Variants in TRAPPC9 observed in about 807,000 individuals in gnomAD.
The protein encoded by TRAPPC9 is trafficking protein particle complex subunit 9.
TRAPPC9 carries 83 observed loss-of-function variants against 124.0 expected under a neutral mutation model. The ratio of observed to expected loss-of-function variants is 0.67; its 90% CI spans 0.56 to 0.80. The LOEUF (loss-of-function observed/expected upper bound fraction) is 0.80. TRAPPC9 is among the 30% of genes least tolerant of loss of function. The probability of loss-of-function intolerance (pLI) is 0.00; values close to 1 mark genes in which losing one functional copy is unlikely to be tolerated. For synonymous variants in TRAPPC9, 638 were observed against 617.5 expected (o/e 1.03, Z -0.49); for missense variants, 1,302 against 1,508.3 (o/e 0.86, Z 2.27).
intron 17 of TRAPPC9, among the ~76,000 whole-genome samples, chr8:140,086,676 C>G (rs1389366888): frequency 6.6e-6 from 1 of 152,186 alleles, no homozygotes; most frequent in East Asian, 1.9e-4. Flanking sequence ...AATCCCAGCA[C>G]TTTGGGCGGC....
rs1355412118 is a variant in TRAPPC9, at chr8:139,730,480, C to T, written c.*581G>A. 6.5e-6 allele frequency: 1 copy of T among 154,744 alleles called. No individual in the cohort carries two copies. The highest frequency in any genetic ancestry group is 2.4e-5 in the African/African-American group (1 of 41,458). 9.6% of individuals were successfully genotyped at this position (154,744 alleles called of 1,614,324 possible). A position where few individuals can be genotyped will look rare whatever the true frequency, so the allele number is the denominator to read the frequency against. Reference sequence around the variant, plus strand: ...GCCAGCCCAGGCCTGGACATTTGCCCACCACGGGTGGAGGGCCTCTCTTGG... The same window carrying T: ...GCCAGCCCAGGCCTGGACATTTGCCTACCACGGGTGGAGGGCCTCTCTTGG... On this transcript the variant is annotated 3_prime_UTR_variant, in exon 23 of 23. Transcript: ENST00000438773.
intron 20 of TRAPPC9, among the ~76,000 whole-genome samples, chr8:139,897,117 GC>G (rs1162183354): frequency 1.3e-5 from 2 of 152,232 alleles, no homozygotes; most frequent in Non-Finnish European, 2.9e-5. Context: ...CATATCTGGA[GC>G]TGCCCACAGG....
At chr8:140,443,209 G>A (rs1179025749) in intron 2 of TRAPPC9, among the ~76,000 whole-genome samples, 1 of 150,450 alleles carries the variant, frequency 6.6e-6, no homozygotes, top group Non-Finnish European at 1.5e-5. Flanking sequence ...GCCAAGGCGG[G>A]CAGATCACAA....
chr8:140,309,334 T>A (rs1212707281), intron 10 of TRAPPC9, among the ~76,000 whole-genome samples: 1 of 152,208 alleles, frequency 6.6e-6, no homozygotes, highest in Non-Finnish European at 1.5e-5. Context: ...GGCTTAAAGA[T>A]GAAGAAAACG....
intron 5 of TRAPPC9, among the ~76,000 whole-genome samples, chr8:140,409,069 A>G (rs2069598465): frequency 6.6e-6 from 1 of 152,194 alleles, no homozygotes; most frequent in Non-Finnish European, 1.5e-5. Flanking sequence ...AATATATGCA[A>G]CATATATCAC....
chr8:140,286,547 C>T (rs1043805362), intron 13 of TRAPPC9, among the ~76,000 whole-genome samples: 7 of 152,110 alleles, frequency 4.6e-5, no homozygotes, highest in Non-Finnish European at 1.0e-4. Context: ...AGCAGCAGTT[C>T]TCAGGAAGCA....
rs2065552928 is a variant in TRAPPC9 at position 140,288,459 on chromosome 8, G to A, written c.1855-725C>T. Among the ~76,000 whole-genome samples, 4 of 152,222 alleles carry A rather than the reference G, an allele frequency of 2.6e-5. No homozygotes were observed. In the South Asian group the frequency reaches 8.3e-4, roughly 32 times the overall value. On this transcript the variant is annotated intron_variant, in intron 12 of 22. Transcript: ENST00000438773. ...TAGTACAGGCACTAAGCTTGCTAGT[G>A]AACAAAACAGGCAGATTCCCTGGCC... is the stretch of plus-strand genomic sequence containing the variant.
intron 16 of TRAPPC9, among the ~76,000 whole-genome samples, chr8:140,231,112 A>G (rs1299806814): frequency 6.6e-6 from 1 of 152,238 alleles, no homozygotes; most frequent in Non-Finnish European, 1.5e-5. Flanking sequence ...GTAGCTATGG[A>G]GAAAGATATT....
intron 17 of TRAPPC9, among the ~76,000 whole-genome samples, chr8:140,075,397 C>T (rs1843445107): frequency 6.6e-6 from 1 of 152,126 alleles, no homozygotes; most frequent in African/African-American, 2.4e-5. Context: ...GAAGATCAGC[C>T]CACAGACAGC....
At chr8:140,402,770 C>A (rs1469892764) in intron 6 of TRAPPC9, among the ~76,000 whole-genome samples, 3 of 150,758 alleles carry the variant, frequency 2.0e-5, no homozygotes, top group Non-Finnish European at 4.4e-5. Flanking sequence ...AAATATGGTG[C>A]TGAAGAAAAG....
intron 21 of TRAPPC9, among the ~76,000 whole-genome samples, chr8:139,795,287 G>A (rs763432152): frequency 2.6e-5 from 4 of 152,128 alleles, no homozygotes; most frequent in Admixed American, 6.5e-5. Context: ...GAGAGGAAGC[G>A]CACTGCCGAG....
At chr8:139,867,830 T>C (rs1409434566) in intron 21 of TRAPPC9, among the ~76,000 whole-genome samples, 1 of 152,202 alleles carries the variant, frequency 6.6e-6, no homozygotes, top group African/African-American at 2.4e-5. Flanking sequence ...TAAATGTATA[T>C]AACAGCTCAA....
intron 17 of TRAPPC9, among the ~76,000 whole-genome samples, chr8:140,143,388 T>C (rs2061410198): frequency 6.6e-6 from 1 of 152,246 alleles, no homozygotes; most frequent in South Asian, 2.1e-4. Flanking sequence ...ATACCAGTCC[T>C]CTGATGGCTA....
intron 17 of TRAPPC9, among the ~76,000 whole-genome samples, chr8:140,085,259 C>A (rs938995366): frequency 6.6e-6 from 1 of 151,244 alleles, no homozygotes; most frequent in Non-Finnish European, 1.5e-5. Context: ...CCACGTCCAG[C>A]AGGACTACAC....
intron 2 of TRAPPC9, among the ~76,000 whole-genome samples, chr8:140,448,413 C>CGCACT (rs2071343788): frequency 6.6e-6 from 1 of 152,242 alleles, no homozygotes; most frequent in African/African-American, 2.4e-5. Context: ...CTATGCGTGA[C>CGCACT]GCACTGCGTC....
intron 21 of TRAPPC9, among the ~76,000 whole-genome samples, chr8:139,784,975 T>A (rs73362167): frequency 0.038 from 5,839 of 152,232 alleles, 394 homozygotes; most frequent in African/African-American, 0.13. Context: ...AAGATTCATA[T>A]GGAAATACAA....
chr8:139,980,956 G>T (rs536719217), intron 19 of TRAPPC9, among the ~76,000 whole-genome samples: 1 of 152,310 alleles, frequency 6.6e-6, no homozygotes, highest in South Asian at 2.1e-4. Context: ...ACAAAGAGGC[G>T]CGTGGTGTGT....
intron 11 of TRAPPC9, among the ~76,000 whole-genome samples, chr8:140,297,126 C>G (rs1160937301): frequency 6.6e-6 from 1 of 152,196 alleles, no homozygotes; most frequent in African/African-American, 2.4e-5. Flanking sequence ...TACCGCAACA[C>G]ACGCTGGAGC....
At chr8:140,189,693 AT>A (rs35013030) in intron 17 of TRAPPC9, among the ~76,000 whole-genome samples, 196 of 149,738 alleles carry the variant, frequency 1.3e-3, no homozygotes, top group Middle Eastern at 3.5e-3. Context: ...AAGTTTCCAG[AT>A]TTTTTTTTTT....
Sources: allele counts gnomAD v4.1 joint callset (sites outside exome capture counted in the v4.1 genomes callset), GRCh38; gene constraint gnomAD v4.1.1; transcripts MANE v1.5; gene names NCBI Gene and HGNC (gene_info 2026-07-23, HGNC 2026-07-21).